The following CWF19L2 variants were observed in gnomAD, a reference collection of about 807,000 sequenced individuals.
CWF19L2 encodes CWF19-like protein 2.
A neutral mutation model predicts 111.7 loss-of-function variants in CWF19L2; 98 were observed. That is an observed-to-expected ratio of 0.88 (90% CI 0.75 to 1.04). The LOEUF (loss-of-function observed/expected upper bound fraction) is 1.04, where lower values mean the gene tolerates loss of function less well. CWF19L2 is among the 50% of genes least tolerant of loss of function. The pLI is 0.00. For synonymous variants in CWF19L2, 351 were observed against 342.9 expected, an observed-to-expected ratio of 1.02 and a Z score of -0.26; for missense variants, 1,101 against 1,051.4, an observed-to-expected ratio of 1.05 and a Z score of -0.65.
chr11:107,379,384 A>G (rs1351468003), intron 12 of CWF19L2, among the ~76,000 whole-genome samples: 3 of 152,226 alleles, frequency 2.0e-5, no homozygotes, highest in Admixed American at 1.3e-4. Flanking sequence ...ATGCTACTAA[A>G]TCTTCTATGG....
chr11:107,449,497 AATGT>A (rs1393112542), intron 3 of CWF19L2, among the ~76,000 whole-genome samples: 1 of 152,170 alleles, frequency 6.6e-6, no homozygotes, highest in Non-Finnish European at 1.5e-5. Context: ...AAATAAAAAG[AATGT>A]ATGACATTAA....
At chr11:107,398,668 CAAG>C (rs753147473) in intron 10 of CWF19L2, among the ~76,000 whole-genome samples, 20 of 152,268 alleles carry the variant, frequency 1.3e-4, no homozygotes, top group Admixed American at 1.3e-4. Flanking sequence ...CAGCCAAATA[CAAG>C]AAGCACAAAG....
At position 107,372,724 on chromosome 11, in the gene CWF19L2, C is replaced by T. The variant is rs188315216; in HGVS notation, c.1872+17350G>A. Among the ~76,000 whole-genome samples, 93 of 135,034 alleles carry T rather than the reference C, an allele frequency of 6.9e-4. 18 individuals are homozygous for T. Among genetic ancestry groups the T allele is most frequent in the East Asian group, 4.3e-4 (2 of 4,612 alleles). 88.6% of individuals were successfully genotyped at this position (135,034 alleles called of 152,430 possible). On this transcript the variant is annotated intron_variant, in intron 12 of 17. Transcript: ENST00000282251. The stretch of plus-strand genomic sequence containing the variant: ...GAATGCTAGAAAACTAGTTAGAAGG[C>T]TATTTGGTAGACCAGATAAGAAACA...
chr11:107,336,797 ACTT>A, intron 14 of CWF19L2, 84 bp from the exon 15 acceptor site: 1 of 761,500 alleles, frequency 1.3e-6, no homozygotes, highest in South Asian at 2.2e-5. Context: ...AAATATGAAA[ACTT>A]TAATAAAAAA....
At chr11:107,404,410 T>C in intron 10 of CWF19L2, 2 of 785,224 alleles carry the variant, frequency 2.5e-6, no homozygotes, top group East Asian at 2.4e-5. Context: ...TTGGGGGTTT[T>C]GGAATTATAG....
At chr11:107,394,138 T>C (rs897328898) in intron 10 of CWF19L2, among the ~76,000 whole-genome samples, 1 of 152,164 alleles carries the variant, frequency 6.6e-6, no homozygotes, top group Non-Finnish European at 1.5e-5. Context: ...GAATCAACTA[T>C]AGAAAAAATC....
intron 12 of CWF19L2, among the ~76,000 whole-genome samples, chr11:107,380,163 T>A (rs1860663626): frequency 6.6e-6 from 1 of 151,074 alleles, no homozygotes; most frequent in Admixed American, 6.6e-5. Context: ...TTGCAATGAA[T>A]CTATTTAATA....
intron 10 of CWF19L2, among the ~76,000 whole-genome samples, chr11:107,406,432 C>T (rs1006994170): frequency 6.6e-6 from 1 of 152,204 alleles, no homozygotes; most frequent in Non-Finnish European, 1.5e-5. Flanking sequence ...TCCCTACACA[C>T]AAGTACCTGG....
intron 3 of CWF19L2, 68 bp from the exon 4 acceptor site, chr11:107,443,117 T>G (rs1861655256): frequency 9.5e-7 from 1 of 1,053,592 alleles, no homozygotes; most frequent in Non-Finnish European, 1.4e-6. Flanking sequence ...TTCTGTGCTG[T>G]TAAGTGGTAG....
intron 8 of CWF19L2, among the ~76,000 whole-genome samples, chr11:107,423,465 G>T (rs1445596809): frequency 6.6e-6 from 1 of 151,832 alleles, no homozygotes; most frequent in Non-Finnish European, 1.5e-5. Flanking sequence ...TTTCTCCAGG[G>T]TCTGTCTCTC....
chr11:107,426,281 A>C (rs946909831), intron 8 of CWF19L2, among the ~76,000 whole-genome samples: 1 of 151,872 alleles, frequency 6.6e-6, no homozygotes. Flanking sequence ...AAAAAATAAA[A>C]ATCAAAGAGT....
chr11:107,373,336 A>G lies in CWF19L2; in HGVS notation c.1872+16738T>C, dbSNP rs1373143524. On this transcript the variant is annotated intron_variant, in intron 12 of 17. Coordinates refer to ENST00000282251, the MANE Select transcript of CWF19L2 (RefSeq NM_152434.3). ...GGGGGCAGGGCACAGACAAACAAAA[A>G]GACAGCAGTAACCTTCGCAGACTTA... Among the ~76,000 whole-genome samples the G allele has an allele frequency of 1.5e-5, 2 of 130,862 alleles. 1 individual carries two copies. The highest frequency in any genetic ancestry group is 3.2e-5 in the Non-Finnish European group (2 of 62,482). 85.9% of individuals were successfully genotyped at this position (130,862 alleles called of 152,430 possible). A position where few individuals can be genotyped will look rare whatever the true frequency, so the allele number is the denominator to read the frequency against.
At chr11:107,439,050 A>AAT in intron 6 of CWF19L2, 40 bp downstream of exon 6, 1 of 942,452 alleles carries the variant, frequency 1.1e-6, no homozygotes, top group Non-Finnish European at 1.6e-6. Flanking sequence ...AAAAAAAAAA[A>AAT]AAAAAACCCT....
intron 4 of CWF19L2, 61 bp downstream of exon 4, chr11:107,442,878 G>A (rs61906059): frequency 1.3e-5 from 8 of 597,084 alleles, no homozygotes; most frequent in South Asian, 4.1e-5. Context: ...AGGAGGGAGG[G>A]AGGGAGGAAG....
chr11:107,333,058 C>T (rs972888082), intron 16 of CWF19L2, among the ~76,000 whole-genome samples: 3 of 148,780 alleles, frequency 2.0e-5, no homozygotes, highest in South Asian at 4.3e-4. Context: ...GTGGAGTGAT[C>T]GTCACTGGGC....
intron 12 of CWF19L2, among the ~76,000 whole-genome samples, chr11:107,369,683 A>G (rs1468810649): frequency 7.2e-6 from 1 of 138,330 alleles, no homozygotes; most frequent in Non-Finnish European, 1.6e-5. Context: ...TTTCAAAATT[A>G]CTTTAAGATT....
intron 17 of CWF19L2, among the ~76,000 whole-genome samples, chr11:107,327,368 T>C (rs1028335679): frequency 6.6e-6 from 1 of 152,124 alleles, no homozygotes; most frequent in South Asian, 2.1e-4. Flanking sequence ...TGATCTCTAT[T>C]AGAGGCTCCC....
At chr11:107,411,992 G>C (rs1591189749) in intron 10 of CWF19L2, among the ~76,000 whole-genome samples, 1 of 152,136 alleles carries the variant, frequency 6.6e-6, no homozygotes, top group East Asian at 1.9e-4. Context: ...CTACCAGGCT[G>C]TGGAACAGTC....
chr11:107,341,121 G>A (rs1384625206), intron 14 of CWF19L2, among the ~76,000 whole-genome samples: 1 of 152,118 alleles, frequency 6.6e-6, no homozygotes, highest in Non-Finnish European at 1.5e-5. Flanking sequence ...GCTTTCCAGG[G>A]TCTATTTAGT....
Sources: gnomAD v4.1 joint callset for allele counts (sites outside exome capture counted in the v4.1 genomes callset) on GRCh38, gnomAD v4.1.1 for gene constraint, MANE v1.5 for transcripts, NCBI Gene and HGNC (gene_info 2026-07-23, HGNC 2026-07-21) for gene names.